The following MAN2B1 variants were observed in gnomAD, a reference collection of about 807,000 sequenced individuals.
MAN2B1 encodes lysosomal alpha-mannosidase.
MAN2B1 carries 99 observed loss-of-function variants against 127.5 expected under a neutral mutation model. The ratio of observed to expected loss-of-function variants is 0.78; its 90% CI spans 0.66 to 0.92. The LOEUF is 0.92. Among genes scored for constraint, MAN2B1 ranks in the 40% least tolerant of loss-of-function variants. MAN2B1 has a pLI of 0.00. For missense variants in MAN2B1, 1,304 were observed against 1,384.8 expected, an observed-to-expected ratio of 0.94 and a Z score of 0.93; for synonymous variants, 573 against 568.8, an observed-to-expected ratio of 1.01 and a Z score of -0.11.
chr19:12,654,685 A>C, intron 14 of MAN2B1, among the ~76,000 whole-genome samples: 1 of 151,948 alleles, frequency 6.6e-6, no homozygotes, highest in East Asian at 1.9e-4. Context: ...CTTTTATTTT[A>C]TTTTATTGAG....
intron 20 of MAN2B1, 68 bp from the exon 21 acceptor site, chr19:12,648,470 G>C (rs1039625598): frequency 8.6e-7 from 1 of 1,159,658 alleles, no homozygotes; most frequent in African/African-American, 1.5e-5. Context: ...CCAGAAACTG[G>C]GTAAGGGCGT....
intron 14 of MAN2B1, among the ~76,000 whole-genome samples, chr19:12,652,877 C>T (rs1479802967): frequency 1.3e-5 from 2 of 151,822 alleles, no homozygotes; most frequent in Non-Finnish European, 2.9e-5. Flanking sequence ...CTGTGTCGCC[C>T]AGGCTGGAGT....
In MAN2B1 at chr19:12,648,341, C is replaced by G; in HGVS notation, c.2498G>C (p.Gly833Ala). ...GCGCCCTCGCACCCACGCCCCCGAC[C>G]CGTTCTCCATTAGTGGCTCCGATAC... is the stretch of plus-strand genomic sequence containing the variant. ...RGVSEPLMENGSGAWVRGRHL... is the reference protein window; with the variant it reads ...RGVSEPLMENASGAWVRGRHL... The change falls in exon 21 of 24, where the codon GGG becomes GCG. Residue 833 changes from glycine to alanine, a missense_variant. Transcript: ENST00000456935. The G allele has an allele frequency of 6.2e-7, 1 of 1,613,924 alleles. No individual in the cohort carries two copies. Among genetic ancestry groups the G allele is most frequent in the Non-Finnish European group, 8.5e-7 (1 of 1,179,958 alleles).
Position 12,658,328 on chromosome 19 carries a change from C to T in MAN2B1, c.1126G>A (p.Asp376Asn), listed in dbSNP as rs1261800959. The change falls in exon 9 of 24, where the codon GAC becomes AAC. Residue 376 changes from aspartate (D) to asparagine (N), a missense_variant. By Grantham distance (23) the Asp-to-Asn change is conservative. Coordinates refer to ENST00000456935, the MANE Select transcript of MAN2B1 (RefSeq NM_000528.4). ...GGGCCATCCGCGTAAGGGAAGAAGT[C>T]GTCATGTTTCACTGACCTACAGCGG... ...ANLTWSVKHD[D>N]FFPYADGPHQ... 6.8e-6 allele frequency: 11 copies of T among 1,614,072 alleles called. No individual in the cohort carries two copies. Among genetic ancestry groups the T allele is most frequent in the African/African-American group, 1.3e-5 (1 of 74,922 alleles).
intron 10 of MAN2B1, 52 bp from the exon 11 acceptor site, chr19:12,657,607 C>CA: frequency 8.8e-6 from 13 of 1,475,862 alleles, no homozygotes; most frequent in Non-Finnish European, 1.2e-5. Context: ...AGCTGAGACC[C>CA]CAAGGGGAAG....
intron 14 of MAN2B1, among the ~76,000 whole-genome samples, chr19:12,653,540 C>T (rs1568301335): frequency 6.6e-6 from 1 of 151,784 alleles, no homozygotes; most frequent in Non-Finnish European, 1.5e-5. Context: ...GGGTGGATAA[C>T]CTGAGGTGAG....
chr19:12,661,198 C>T, intron 7 of MAN2B1, 62 bp downstream of exon 7: 1 of 1,177,460 alleles, frequency 8.5e-7, no homozygotes, highest in Non-Finnish European at 1.3e-6. Flanking sequence ...ATGCACATAA[C>T]CCAAGGCCCC....
In MAN2B1 at chr19:12,648,333, C is replaced by T. The variant is rs140281123; in HGVS notation, c.2506G>A (p.Ala836Thr). 9.9e-6 allele frequency: 16 copies of T among 1,613,598 alleles called. No individual in the cohort carries two copies. Among genetic ancestry groups the T allele is most frequent in the African/African-American group, 9.3e-5 (7 of 74,910 alleles). ...SEPLMENGSGAWVRGRHLVLL... is the reference protein window; with the variant it reads ...SEPLMENGSGTWVRGRHLVLL... ...ACCAGGTGGCGCCCTCGCACCCACG[C>T]CCCCGACCCGTTCTCCATTAGTGGC... The change falls in exon 21 of 24, where the codon GCG becomes ACG. Residue 836 changes from alanine to threonine, a missense_variant. Transcript: ENST00000456935.
rs1336529234 is a variant in MAN2B1, at chr19:12,661,217, A to G, written c.1026+43T>C. On this transcript the variant is annotated intron_variant, in intron 7 of 23. Coordinates refer to ENST00000456935, the MANE Select transcript of MAN2B1 (RefSeq NM_000528.4). ...ACATAACCCAAGGCCCCCGGATGCA[A>G]GCGCACATGTGCACAAGGGTACCAC... is the stretch of plus-strand genomic sequence containing the variant. 3 of 1,394,148 alleles carry G rather than the reference A, an allele frequency of 2.2e-6. No homozygotes were observed. In the African/African-American group the frequency reaches 4.3e-5, roughly 20 times the overall value. 86.4% of individuals were successfully genotyped at this position (1,394,148 alleles called of 1,614,324 possible).
chr19:12,646,898 C>A, intron 23 of MAN2B1, 166 bp from the exon 24 acceptor site: 1 of 634,052 alleles, frequency 1.6e-6, no homozygotes, highest in Admixed American at 2.5e-5. Flanking sequence ...GAATACCACC[C>A]CCAGGTCCAA....
chr19:12,656,453 G>T (rs1259317502), intron 13 of MAN2B1, 118 bp downstream of exon 13: 1 of 743,984 alleles, frequency 1.3e-6, no homozygotes, highest in Non-Finnish European at 2.4e-6. Flanking sequence ...CAAGAGGGGG[G>T]AAGAGATATG....
chr19:12,656,397 A>T, intron 13 of MAN2B1, 174 bp downstream of exon 13: 1 of 600,354 alleles, frequency 1.7e-6, no homozygotes, highest in Non-Finnish European at 3.0e-6. Context: ...CAGGAGGCAT[A>T]TGTTCCCAAG....
At position 12,649,120 on chromosome 19, in the gene MAN2B1, G is replaced by T; in HGVS notation, c.2436+16C>A. 1 of 1,609,844 alleles carries T rather than the reference G, an allele frequency of 6.2e-7. No homozygotes were observed. The highest frequency in any genetic ancestry group is 8.5e-7 in the Non-Finnish European group (1 of 1,178,132). The stretch of plus-strand genomic sequence containing the variant: ...TTGGGAGGACCCTGGCTCGGATGGG[G>T]CTCTGACCCACTCACCATGAGCTCC... On this transcript the variant is annotated intron_variant, in intron 20 of 23. Transcript: ENST00000456935.
At chr19:12,656,889 T>C in intron 12 of MAN2B1, 60 bp downstream of exon 12, 1 of 1,387,446 alleles carries the variant, frequency 7.2e-7, no homozygotes, top group Non-Finnish European at 1.0e-6. Context: ...CAAAAACATT[T>C]TCCAACTACC....
At chr19:12,658,533 G>A in intron 7 of MAN2B1, 23 bp from the exon 8 acceptor site, 1 of 1,610,188 alleles carries the variant, frequency 6.2e-7, no homozygotes, top group Non-Finnish European at 8.5e-7. Flanking sequence ...GCGACGGAGT[G>A]AGCCCTCGGG....
chr19:12,646,678 T>C lies in MAN2B1; in HGVS notation c.2978A>G (p.Glu993Gly). The C allele has an allele frequency of 1.2e-6, 2 of 1,614,094 alleles. No homozygotes were observed. The highest frequency in any genetic ancestry group is 1.7e-6 in the Non-Finnish European group (2 of 1,179,996). The stretch of plus-strand genomic sequence containing the variant: ...CAGGAAAGTGCGGATTTCCATGGGT[T>C]CCAGCGTGATGTTGGCCGGGTCCAG... ...YQLDPANITL[E>G]PMEIRTFLAS... is the part of the protein sequence containing the mutation. The change falls in exon 24 of 24, where the codon GAA (glutamate) becomes GGA (glycine). Residue 993 changes from glutamate to glycine, a missense_variant. Coordinates refer to ENST00000456935, the MANE Select transcript of MAN2B1 (RefSeq NM_000528.4).
Position 12,655,715 on chromosome 19 carries a change from A to G in MAN2B1, c.1809T>C (p.Pro603=). 4 of 1,609,700 alleles carry G rather than the reference A, an allele frequency of 2.5e-6. No homozygotes were observed. Among genetic ancestry groups the G allele is most frequent in the Non-Finnish European group, 3.4e-6 (4 of 1,177,334 alleles). Residue 603 remains proline, a synonymous_variant, in exon 14 of 24, where the codon CCT becomes CCC. Coordinates refer to ENST00000456935, the MANE Select transcript of MAN2B1 (RefSeq NM_000528.4). ...TCACCTCATTTTCGATGGTTAAAGC[A>G]GGGGACCAGGATCTTCTGGGGATGG... ...PQPIPRRSWS[P]ALTIENEHIR...
intron 14 of MAN2B1, 45 bp from the exon 15 acceptor site, chr19:12,652,505 G>A: frequency 3.9e-6 from 5 of 1,285,410 alleles, no homozygotes; most frequent in Non-Finnish European, 2.3e-6. Context: ...GTGTATGTGT[G>A]TGTGTTTTCT....
intron 12 of MAN2B1, 62 bp downstream of exon 12, chr19:12,656,886 AT>A: frequency 7.3e-7 from 1 of 1,368,564 alleles, no homozygotes; most frequent in Non-Finnish European, 1.0e-6. Flanking sequence ...CTCCAAAAAC[AT>A]TTTCCAACTA....
Sources: allele counts gnomAD v4.1 joint callset (sites outside exome capture counted in the v4.1 genomes callset), GRCh38; gene constraint gnomAD v4.1.1; transcripts MANE v1.5; gene names NCBI Gene and HGNC (gene_info 2026-07-23, HGNC 2026-07-21).